HNRNPU: variants seen among roughly 807,000 people sequenced by gnomAD.
HNRNPU encodes HNRNPU antisense RNA 1.
Under a neutral mutation model 94.7 loss-of-function variants are expected in HNRNPU, and 5 were observed. The ratio of observed to expected loss-of-function variants is 0.05; its 90% CI spans 0.03 to 0.11. The LOEUF (loss-of-function observed/expected upper bound fraction) is 0.11, where lower values mean the gene tolerates loss of function less well. Among genes scored for constraint, HNRNPU ranks in the 10% least tolerant of loss-of-function variants. HNRNPU has a pLI of 1.00. For missense variants in HNRNPU, 710 were observed against 1,049.2 expected, an observed-to-expected ratio of 0.68 and a Z score of 4.47; for synonymous variants, 434 against 381.6, an observed-to-expected ratio of 1.14 and a Z score of -1.60.
chr1:244,855,060 ACT>A lies in HNRNPU; in HGVS notation c.2353-18_2353-17del, dbSNP rs1558185713. 8 of 1,604,140 alleles carry A rather than the reference ACT, an allele frequency of 5.0e-6. No homozygotes were observed. Among genetic ancestry groups the A allele is most frequent in the South Asian group, 1.1e-5 (1 of 90,892 alleles). ...CTCTGAAGTTCTACAAAAAGGAAATACTCTCTAAGAGCTCTGAGCCCAATTGC... is the reference window on the plus strand; with the variant it reads ...CTCTGAAGTTCTACAAAAAGGAAATACTCTAAGAGCTCTGAGCCCAATTGC... On this transcript the variant is annotated splice_polypyrimidine_tract_variant and intron_variant, in intron 12 of 13. Transcript: ENST00000640218.
At chr1:244,854,862 A>G in intron 13 of HNRNPU, 111 bp downstream of exon 13, 1 of 909,314 alleles carries the variant, frequency 1.1e-6, no homozygotes, top group South Asian at 1.4e-5. Flanking sequence ...ACTTTACCCT[A>G]TTAACACTTA....
chr1:244,858,634 CAT>C, intron 6 of HNRNPU, 93 bp downstream of exon 6: 2 of 701,484 alleles, frequency 2.9e-6, no homozygotes, highest in Non-Finnish European at 5.1e-6. Flanking sequence ...TTTTGTTGCT[CAT>C]ATTGAAAACT....
In HNRNPU at chr1:244,855,414, G is replaced by C. The variant is rs751906720; in HGVS notation, c.2352+10C>G. On this transcript the variant is annotated intron_variant, in intron 12 of 13. Coordinates refer to ENST00000640218, the MANE Select transcript of HNRNPU (RefSeq NM_031844.3). ...TATCAATCATGCTTCCAGGGATCTT[G>C]AATCATTACCTGGTTGTAGTTCCCT... 6.2e-6 allele frequency: 10 copies of C among 1,611,172 alleles called. No homozygotes were observed. Among genetic ancestry groups the C allele is most frequent in the African/African-American group, 1.3e-5 (1 of 74,940 alleles).
Position 244,863,776 on chromosome 1 carries a change from C to T in HNRNPU, c.532G>A (p.Gly178Arg). ...TQQQQPQQQR[G>R]AAKEAAGKSS... ...TTCCCCGCGGCCTCCTTGGCGGCCC[C>T]GCGCTGCTGTTGGGGCTGTTGCTGC... Residue 178 changes from glycine (G) to arginine (R), a missense_variant, in exon 1 of 14, where the codon GGG (glycine) becomes AGG (arginine). Around this residue, in one of 8 missense-constraint regions of HNRNPU, gnomAD observed 292 missense variants for 293.4 expected, o/e 1.00. Transcript: ENST00000640218. 1 of 1,599,538 alleles carries T rather than the reference C, an allele frequency of 6.3e-7. No individual in the cohort carries two copies. Among genetic ancestry groups the T allele is most frequent in the Middle Eastern group, 1.7e-4 (1 of 6,020 alleles).
intron 3 of HNRNPU, chr1:244,861,422 A>G (rs1285859775): frequency 6.6e-6 from 1 of 152,314 alleles, no homozygotes; most frequent in African/African-American, 2.4e-5. Context: ...TATACAACCC[A>G]GAATTTCACT....
rs141318146 is a variant in HNRNPU, at chr1:244,854,730, G to T, written c.2425-227C>A. ...TTGTTAGTTTACACAATTAAAGCTA[G>T]CAGTAAAAGAACTGTATATATTAAA... On this transcript the variant is annotated intron_variant, in intron 13 of 13. Coordinates refer to ENST00000640218, the MANE Select transcript of HNRNPU (RefSeq NM_031844.3). 1,823 of 534,870 alleles carry T rather than the reference G, an allele frequency of 3.4e-3. 28 individuals are homozygous for T. The highest frequency in any genetic ancestry group is 0.032 in the African/African-American group (1,663 of 51,980). 33.1% of individuals were successfully genotyped at this position (534,870 alleles called of 1,614,324 possible).
Position 244,862,611 on chromosome 1 carries a change from T to G in HNRNPU, c.803+8A>C. The G allele has an allele frequency of 1.2e-6, 2 of 1,609,078 alleles. No homozygotes were observed. The highest frequency in any genetic ancestry group is 1.7e-6 in the Non-Finnish European group (2 of 1,175,418). ...AGGGATGAGTAAAACTAGGTGAGCATCCTATACCTGCTATACTTGTTCTCT... is the reference window on the plus strand; with the variant it reads ...AGGGATGAGTAAAACTAGGTGAGCAGCCTATACCTGCTATACTTGTTCTCT... On this transcript the variant is annotated splice_region_variant and intron_variant, in intron 2 of 13. Coordinates refer to ENST00000640218, the MANE Select transcript of HNRNPU (RefSeq NM_031844.3).
intron 1 of HNRNPU, 148 bp downstream of exon 1, chr1:244,863,469 T>G: frequency 2.9e-6 from 3 of 1,044,270 alleles, no homozygotes; most frequent in Non-Finnish European, 3.7e-6. Flanking sequence ...TCGGCTAATC[T>G]GGGATTCCCC....
intron 3 of HNRNPU, chr1:244,861,231 C>T (rs1410311385): frequency 2.0e-5 from 3 of 152,204 alleles, no homozygotes; most frequent in African/African-American, 7.2e-5. Context: ...AAAAATAAAT[C>T]TACAGTTTGG....
intron 3 of HNRNPU, 58 bp downstream of exon 3, chr1:244,862,395 TAAAAAAAA>T (rs56937404): frequency 1.1e-5 from 9 of 799,428 alleles, no homozygotes; most frequent in East Asian, 5.6e-5. Flanking sequence ...TTAAGACTTC[TAAAAAAAA>T]AAAAAAAAAA....
chr1:244,856,756 C>T lies in HNRNPU; in HGVS notation c.1715G>A (p.Arg572Gln), dbSNP rs1286615445. The change falls in exon 9 of 14, where the codon CGA (arginine) becomes CAA (glutamine). Residue 572 changes from arginine (R) to glutamine (Q), a missense_variant. Arg to Gln is a conservative substitution (Grantham distance 43). Coordinates refer to ENST00000640218, the MANE Select transcript of HNRNPU (RefSeq NM_031844.3). Reference protein sequence around the residue: ...CLGKFIEIAARKKRNFILDQT... With the variant: ...CLGKFIEIAAQKKRNFILDQT... The stretch of plus-strand genomic sequence containing the variant: ...ATCCAGAATAAAATTTCGCTTCTTT[C>T]GGGCAGCAATCTCAATAAATTTCCC... The T allele has an allele frequency of 6.2e-7, 1 of 1,611,502 alleles. No individual in the cohort carries two copies. The highest frequency in any genetic ancestry group is 8.5e-7 in the Non-Finnish European group (1 of 1,179,282).
Position 244,858,002 on chromosome 1 carries a change from A to G in HNRNPU, c.1494+9T>C, listed in dbSNP as rs758813023. On this transcript the variant is annotated intron_variant, in intron 7 of 13. Coordinates refer to ENST00000640218, the MANE Select transcript of HNRNPU (RefSeq NM_031844.3). The stretch of plus-strand genomic sequence containing the variant: ...AAATGCCACAGTTAAAAAAAAAAAA[A>G]TCCCTTACTTCACAATCTTTCTTCT... 2.1e-5 allele frequency: 33 copies of G among 1,569,878 alleles called. No homozygotes were observed. The highest frequency in any genetic ancestry group is 1.8e-5 in the Non-Finnish European group (21 of 1,163,686).
chr1:244,854,336 A>AC lies in HNRNPU; in HGVS notation c.*113dup. On this transcript the variant is annotated 3_prime_UTR_variant, in exon 14 of 14. Coordinates refer to ENST00000640218, the MANE Select transcript of HNRNPU (RefSeq NM_031844.3). ...AACCCACAAAGCTTCTAAAAAAGGA[A>AC]CCCGCAGGCACTTCCTCTTGTGGAA... 1 of 744,218 alleles carries AC rather than the reference A, an allele frequency of 1.3e-6. No individual in the cohort carries two copies. The highest frequency in any genetic ancestry group is 3.7e-4 in the Middle Eastern group (1 of 2,700). 46.1% of individuals were successfully genotyped at this position (744,218 alleles called of 1,614,324 possible).
At chr1:244,861,501 T>C (rs1303253501) in intron 3 of HNRNPU, 5 of 152,214 alleles carry the variant, frequency 3.3e-5, no homozygotes, top group Non-Finnish European at 1.5e-5. Context: ...CAGATGACTA[T>C]CTCAACCTTC....
intron 1 of HNRNPU, 124 bp from the exon 2 acceptor site, chr1:244,862,854 C>T (rs1680875283): frequency 1.4e-6 from 1 of 724,578 alleles, no homozygotes; most frequent in South Asian, 1.6e-5. Context: ...ACCGAGGACT[C>T]AAATGTGAAT....
intron 7 of HNRNPU, 92 bp downstream of exon 7, chr1:244,857,919 A>C: frequency 7.3e-7 from 1 of 1,372,710 alleles, no homozygotes; most frequent in Non-Finnish European, 1.0e-6. Flanking sequence ...AAAGTAAATG[A>C]AACAGACTAA....
At chr1:244,863,007 G>A in intron 1 of HNRNPU, 1 of 403,390 alleles carries the variant, frequency 2.5e-6, no homozygotes, top group Non-Finnish European at 4.5e-6. Flanking sequence ...GTATCCCGAA[G>A]AGAGCGCAGA....
At chr1:244,857,106 T>C (rs1299042631) in intron 8 of HNRNPU, 2 of 353,968 alleles carry the variant, frequency 5.7e-6, no homozygotes, top group African/African-American at 2.1e-5. Flanking sequence ...GCCTAGCCAG[T>C]GGAAGGCAGT....
In HNRNPU at chr1:244,863,814, G is replaced by T; in HGVS notation, c.494C>A (p.Pro165Gln). Residue 165 changes from proline to glutamine, a missense_variant, in exon 1 of 14, where the codon CCG (proline) becomes CAG (glutamine). Coordinates refer to ENST00000640218, the MANE Select transcript of HNRNPU (RefSeq NM_031844.3). Reference sequence around the variant, plus strand: ...GGGCTGTTGCTGCTGCGTCGCCGGCGGTTGAGGCTGCTGCTCCCCGTGCCC... The same window carrying T: ...GGGCTGTTGCTGCTGCGTCGCCGGCTGTTGAGGCTGCTGCTCCCCGTGCCC... ...ENGHGEQQPQ[P>Q]PATQQQQPQQ... 6.2e-7 allele frequency: 1 copy of T among 1,607,932 alleles called. No homozygotes were observed.
Sources: allele counts gnomAD v4.1 joint callset, GRCh38; gene constraint gnomAD v4.1.1; regional missense constraint gnomAD v4.1.1; transcripts MANE v1.5; gene names NCBI Gene and HGNC (gene_info 2026-07-23, HGNC 2026-07-21).